Variants in MMS22L observed in about 807,000 individuals in gnomAD.
The protein encoded by MMS22L is protein MMS22-like.
A neutral mutation model predicts 159.1 loss-of-function variants in MMS22L; 74 were observed. The ratio of observed to expected loss-of-function variants is 0.47; its 90% CI spans 0.39 to 0.56. The LOEUF (loss-of-function observed/expected upper bound fraction) is 0.56, where lower values mean the gene tolerates loss of function less well. Ranked by LOEUF, MMS22L falls within the 20% of genes least tolerant of loss-of-function variation. The pLI is 0.00. For synonymous variants in MMS22L, 517 were observed against 506.9 expected (o/e 1.02, Z -0.27); for missense variants, 1,351 against 1,422.1 (o/e 0.95, Z 0.80).
intron 9 of MMS22L, chr6:97,260,678 A>G (rs1814368715): frequency 6.6e-6 from 1 of 152,244 alleles, no homozygotes; most frequent in Non-Finnish European, 1.5e-5. Context: ...AGAGGGTACC[A>G]TCAACTAAAG....
chr6:97,143,764 C>T lies in MMS22L; in HGVS notation c.*3042G>A, dbSNP rs550783956. The T allele has an allele frequency of 3.3e-5, 5 of 152,172 alleles. No homozygotes were observed. The highest frequency in any genetic ancestry group is 1.2e-4 in the African/African-American group (5 of 41,486). The allele number at this position is 152,172 out of a possible 1,614,324, so 9.4% of individuals were successfully genotyped here. On this transcript the variant is annotated 3_prime_UTR_variant, in exon 25 of 25. Coordinates refer to ENST00000683635, the MANE Select transcript of MMS22L (RefSeq NM_001350599.2). ...GTAGAAAATGAAAGCAGGAGGTAGTCTGAGATTTCAGGAGACTCCAACTAC... is the reference window on the plus strand; with the variant it reads ...GTAGAAAATGAAAGCAGGAGGTAGTTTGAGATTTCAGGAGACTCCAACTAC...
At position 97,146,887 on chromosome 6, in the gene MMS22L, C is replaced by G; in HGVS notation, c.3651G>C (p.Arg1217Ser). The G allele has an allele frequency of 6.5e-7, 1 of 1,540,976 alleles. No homozygotes were observed. The highest frequency in any genetic ancestry group is 8.7e-7 in the Non-Finnish European group (1 of 1,151,288). The change falls in exon 25 of 25, where the codon AGG (arginine) becomes AGC (serine). Residue 1217 changes from arginine to serine, a missense_variant and splice_region_variant. Transcript: ENST00000683635. ...GAGACAAAAGTTTGCTATAGGCTTC[C>G]CTGTTTAAGAAAAAAGAAAAGAAAG... ...KWGLGRNIAQ[R>S]EAYSKLLSHL...
intron 10 of MMS22L, among the ~76,000 whole-genome samples, chr6:97,247,563 A>G (rs1812795540): frequency 6.6e-6 from 1 of 152,132 alleles, no homozygotes; most frequent in Admixed American, 6.5e-5. Context: ...TACTAAAAAT[A>G]CAAAAATTAG....
At chr6:97,180,479 T>C (rs1049724670) in intron 16 of MMS22L, among the ~76,000 whole-genome samples, 2 of 152,130 alleles carry the variant, frequency 1.3e-5, no homozygotes, top group African/African-American at 2.4e-5. Flanking sequence ...TAAAATGTTA[T>C]GTAATGTCCA....
intron 9 of MMS22L, among the ~76,000 whole-genome samples, 178 bp downstream of exon 9, chr6:97,263,157 C>A (rs1303800700): frequency 2.0e-5 from 3 of 151,920 alleles, no homozygotes; most frequent in Admixed American, 6.6e-5. Flanking sequence ...TAACTTGGGG[C>A]TAAAAATAAT....
At chr6:97,213,292 G>C (rs994323580) in intron 14 of MMS22L, among the ~76,000 whole-genome samples, 1 of 152,140 alleles carries the variant, frequency 6.6e-6, no homozygotes, top group South Asian at 2.1e-4. Flanking sequence ...TGTGGTCCCA[G>C]CTACTCAGGA....
intron 14 of MMS22L, among the ~76,000 whole-genome samples, chr6:97,203,697 C>G (rs938256219): frequency 1.3e-5 from 2 of 152,168 alleles, no homozygotes; most frequent in Non-Finnish European, 2.9e-5. Context: ...CTCCTTGAAG[C>G]AAGTCTCTAC....
At chr6:97,220,117 T>C (rs1404281133) in intron 14 of MMS22L, among the ~76,000 whole-genome samples, 2 of 152,192 alleles carry the variant, frequency 1.3e-5, no homozygotes, top group African/African-American at 4.8e-5. Context: ...TGTTCTGGCC[T>C]GAACCCTCAA....
At chr6:97,281,612 A>G (rs1816761966) in intron 2 of MMS22L, among the ~76,000 whole-genome samples, 1 of 152,216 alleles carries the variant, frequency 6.6e-6, no homozygotes, top group Non-Finnish European at 1.5e-5. Flanking sequence ...ATTCTAAAAA[A>G]CATATTTCTG....
intron 14 of MMS22L, among the ~76,000 whole-genome samples, chr6:97,188,810 A>G (rs922958560): frequency 1.5e-4 from 23 of 152,018 alleles, no homozygotes; most frequent in Non-Finnish European, 3.1e-4. Flanking sequence ...AAATACAAAA[A>G]AATTAGCCGG....
In MMS22L at chr6:97,231,565, T is replaced by G. The variant is rs1240422230; in HGVS notation, c.1390A>C (p.Thr464Pro). The G allele has an allele frequency of 6.2e-7, 1 of 1,613,840 alleles. No individual in the cohort carries two copies. The highest frequency in any genetic ancestry group is 2.2e-5 in the East Asian group (1 of 44,830). Residue 464 changes from threonine (T) to proline (P), a missense_variant, in exon 13 of 25, where the codon ACT (threonine) becomes CCT (proline). Transcript: ENST00000683635. Reference protein sequence around the residue: ...SPLSMLEMVKTCCCDKQDQEL... With the variant: ...SPLSMLEMVKPCCCDKQDQEL... ...TGATCTTGTTTATCGCAACAGCAAG[T>G]CTTCACCATTTCAAGCATAGACAAG...
intron 14 of MMS22L, among the ~76,000 whole-genome samples, chr6:97,204,935 G>GTTT (rs1807604961): frequency 8.7e-6 from 1 of 114,444 alleles, no homozygotes; most frequent in Non-Finnish European, 1.8e-5. Context: ...CATGTACAGT[G>GTTT]TCTTTTTTTT....
At chr6:97,171,143 T>C (rs1803504685) in intron 19 of MMS22L, among the ~76,000 whole-genome samples, 1 of 152,180 alleles carries the variant, frequency 6.6e-6, no homozygotes. Context: ...AACTAATGTA[T>C]CCCTAACTCT....
At chr6:97,235,579 A>G (rs62413938) in intron 11 of MMS22L, among the ~76,000 whole-genome samples, 99,144 of 152,080 alleles carry the variant, frequency 0.65, 33,681 homozygotes, top group Non-Finnish European at 0.76. Flanking sequence ...AAAAACGACA[A>G]TGGTGAACAG....
chr6:97,231,561 C>G lies in MMS22L; in HGVS notation c.1394G>C (p.Cys465Ser), dbSNP rs1441498406. The change falls in exon 13 of 25, where the codon TGC becomes TCC. Residue 465 changes from cysteine to serine, a missense_variant. Physicochemically the swap from Cys to Ser is moderately radical, Grantham distance 112 (BLOSUM62 -1). Transcript: ENST00000683635. ...TTCCTGATCTTGTTTATCGCAACAGCAAGTCTTCACCATTTCAAGCATAGA... is the reference window on the plus strand; with the variant it reads ...TTCCTGATCTTGTTTATCGCAACAGGAAGTCTTCACCATTTCAAGCATAGA... ...PLSMLEMVKT[C>S]CCDKQDQELY... 1 of 1,613,636 alleles carries G rather than the reference C, an allele frequency of 6.2e-7. No homozygotes were observed. The highest frequency in any genetic ancestry group is 8.5e-7 in the Non-Finnish European group (1 of 1,179,830).
rs185991020 is a variant in MMS22L, at chr6:97,197,759, C to A, written c.2040-11069G>T. ...AAAAAGAAAGTTAGAATACAAGCAA[C>A]AGTGTGAACAAAATATTTATGGAAT... On this transcript the variant is annotated intron_variant, in intron 14 of 24. Transcript: ENST00000683635. Among the ~76,000 whole-genome samples the A allele has an allele frequency of 6.6e-5, 10 of 152,212 alleles. No homozygotes were observed. The East Asian group carries it at 1.7e-3, about 26-fold the overall frequency.
At position 97,164,281 on chromosome 6, in the gene MMS22L, A is replaced by G. The variant is rs555054699; in HGVS notation, c.3221+965T>C. Among the ~76,000 whole-genome samples the G allele has an allele frequency of 3.3e-5, 5 of 151,722 alleles. No homozygotes were observed. The South Asian group carries it at 1.0e-3, about 32-fold the overall frequency. On this transcript the variant is annotated intron_variant, in intron 21 of 24. Transcript: ENST00000683635. ...GAGGGGAGACAGATTTTAGGCATGG[A>G]ATTCTATGAGAGGTAACAGATATTA... is the stretch of plus-strand genomic sequence containing the variant.
chr6:97,186,341 A>G (rs975626092), intron 15 of MMS22L, among the ~76,000 whole-genome samples, 156 bp downstream of exon 15: 13 of 152,320 alleles, frequency 8.5e-5, no homozygotes, highest in South Asian at 4.1e-4. Context: ...GCAATAAATA[A>G]GCCAAAGGAT....
chr6:97,268,117 T>A, intron 7 of MMS22L, 115 bp from the exon 8 acceptor site: 1 of 736,696 alleles, frequency 1.4e-6, no homozygotes, highest in Non-Finnish European at 2.0e-6. Context: ...TTTAATTTTT[T>A]TTTGCAAATA....
Sources: gnomAD v4.1 joint callset for allele counts (sites outside exome capture counted in the v4.1 genomes callset) on GRCh38, gnomAD v4.1.1 for gene constraint, MANE v1.5 for transcripts, NCBI Gene and HGNC (gene_info 2026-07-23, HGNC 2026-07-21) for gene names.